GPR83: variants seen among roughly 807,000 people sequenced by gnomAD.
GPR83 encodes the protein G-protein coupled receptor 72.
GPR83 carries 23 observed loss-of-function variants against 28.0 expected under a neutral mutation model. The observed-to-expected ratio is 0.82, with a 90% CI of 0.59 to 1.16. GPR83 has a LOEUF of 1.16. GPR83 is among the 50% of genes most tolerant of loss of function. The pLI is 0.00. For synonymous variants in GPR83, 234 were observed against 215.4 expected, an observed-to-expected ratio of 1.09 and a Z score of -0.76; for missense variants, 610 against 536.6, an observed-to-expected ratio of 1.14 and a Z score of -1.35.
chr11:94,382,950 G>C (rs527706641), intron 3 of GPR83, among the ~76,000 whole-genome samples: 1 of 152,078 alleles, frequency 6.6e-6, no homozygotes, highest in East Asian at 1.9e-4. Flanking sequence ...GGATCATGAG[G>C]TCAGGAGCTT....
intron 3 of GPR83, among the ~76,000 whole-genome samples, chr11:94,388,203 C>G (rs1203762912): frequency 6.6e-6 from 1 of 152,242 alleles, no homozygotes; most frequent in East Asian, 1.9e-4. Context: ...ATGACAAACC[C>G]ACAGCCAATA....
At chr11:94,382,515 G>A (rs865987328) in intron 3 of GPR83, among the ~76,000 whole-genome samples, 4 of 152,060 alleles carry the variant, frequency 2.6e-5, no homozygotes, top group African/African-American at 9.7e-5. Flanking sequence ...CAATACAGGA[G>A]CACCCAGATT....
In GPR83 at chr11:94,387,732, C is replaced by T. The variant is rs1182937096; in HGVS notation, c.647+5753G>A. 3.3e-5 allele frequency among the ~76,000 whole-genome samples: 5 copies of T among 152,104 alleles called. No homozygotes were observed. In the East Asian group the frequency reaches 9.6e-4, roughly 29 times the overall value. ...GTCCAGGACCAGACGGATTCACAGC[C>T]GATTTCTACCAGAGGTACAAGGAGG... On this transcript the variant is annotated intron_variant, in intron 3 of 3. Coordinates refer to ENST00000243673, the MANE Select transcript of GPR83 (RefSeq NM_016540.4).
rs57302833 is a variant in GPR83 at position 94,382,343 on chromosome 11, CAAAAAAAAA to C, written c.648-1579_648-1571del. 1.6e-4 allele frequency among the ~76,000 whole-genome samples: 11 copies of C among 67,310 alleles called. No homozygotes were observed. The South Asian group carries it at 4.6e-3, about 28-fold the overall frequency. 44.2% of individuals were successfully genotyped at this position (67,310 alleles called of 152,430 possible). A position where few individuals can be genotyped will look rare whatever the true frequency, so the allele number is the denominator to read the frequency against. On this transcript the variant is annotated intron_variant, in intron 3 of 3. Coordinates refer to ENST00000243673, the MANE Select transcript of GPR83 (RefSeq NM_016540.4). ...GGGCAACAAGAGTGAAACACCATCT[CAAAAAAAAA>C]AAAAAAAAAAAAAAAGCAGGAGTTA...
rs377731618 is a variant in GPR83 at position 94,384,322 on chromosome 11, T to C, written c.648-3549A>G. On this transcript the variant is annotated intron_variant, in intron 3 of 3. Transcript: ENST00000243673. ...AAACTCTCAATAAACTGGGTATCGA[T>C]GGAACATATCTCAAAGTAATAAGAA... Among the ~76,000 whole-genome samples the C allele has an allele frequency of 2.6e-5, 4 of 152,190 alleles. No individual in the cohort carries two copies. The East Asian group carries it at 5.8e-4, about 22-fold the overall frequency.
chr11:94,377,632 C>G lies in GPR83; in HGVS notation c.*2517G>C, dbSNP rs1472092311. The G allele has an allele frequency of 6.6e-6, 1 of 152,198 alleles. No individual in the cohort carries two copies. The highest frequency in any genetic ancestry group is 2.4e-5 in the African/African-American group (1 of 41,444). 9.4% of individuals were successfully genotyped at this position (152,198 alleles called of 1,614,324 possible). Reference sequence around the variant, plus strand: ...TCAGTAGAAACCATACTTCGCATATCCATACAACCATTCTGGTTTTCACCT... The same window carrying G: ...TCAGTAGAAACCATACTTCGCATATGCATACAACCATTCTGGTTTTCACCT... On this transcript the variant is annotated 3_prime_UTR_variant, in exon 4 of 4. Coordinates refer to ENST00000243673, the MANE Select transcript of GPR83 (RefSeq NM_016540.4).
Position 94,401,092 on chromosome 11 carries a change from C to T in GPR83, c.156G>A (p.Trp52Ter). 1 of 1,614,248 alleles carries T rather than the reference C, an allele frequency of 6.2e-7. No individual in the cohort carries two copies. Among genetic ancestry groups the T allele is most frequent in the Non-Finnish European group, 8.5e-7 (1 of 1,180,038 alleles). The change falls in exon 1 of 4, where the codon TGG becomes TGA. Residue 52 changes from tryptophan (W) to a stop codon, truncating the protein, a stop_gained. Transcript: ENST00000243673. LOFTEE classifies it high-confidence loss of function. ...FSWNNYTFSD[W>*]QNFVGRRRYG... ...AGCGCCTCCTGCCCACAAAGTTCTG[C>T]CAGTCGGAGAAGGTGTAGTTGTTCC... is the stretch of plus-strand genomic sequence containing the variant.
intron 1 of GPR83, among the ~76,000 whole-genome samples, chr11:94,399,050 T>C (rs1944889635): frequency 6.6e-6 from 1 of 152,114 alleles, no homozygotes; most frequent in South Asian, 2.1e-4. Flanking sequence ...TACCCCTTCT[T>C]GTGTCTGCTG....
At chr11:94,382,860 T>G (rs112013658) in intron 3 of GPR83, among the ~76,000 whole-genome samples, 13,580 of 151,994 alleles carry the variant, frequency 0.089, 712 homozygotes, top group Middle Eastern at 0.15. Flanking sequence ...AAACTAGAAC[T>G]CAGGATTAAG....
intron 2 of GPR83, among the ~76,000 whole-genome samples, chr11:94,395,843 A>C (rs1299814977): frequency 6.6e-6 from 1 of 152,172 alleles, no homozygotes; most frequent in Admixed American, 6.5e-5. Flanking sequence ...TCTGACCTGC[A>C]ATTACTCCTC....
intron 3 of GPR83, among the ~76,000 whole-genome samples, chr11:94,385,745 G>C (rs914487099): frequency 5.3e-5 from 8 of 152,218 alleles, no homozygotes; most frequent in Admixed American, 5.2e-4. Context: ...AAGTGACGGG[G>C]AGAATGGAAC....
At chr11:94,389,628 T>G (rs1289368505) in intron 3 of GPR83, among the ~76,000 whole-genome samples, 2 of 152,206 alleles carry the variant, frequency 1.3e-5, no homozygotes, top group African/African-American at 4.8e-5. Context: ...AGATACCATC[T>G]CACACCAGTT....
intron 2 of GPR83, among the ~76,000 whole-genome samples, chr11:94,395,258 C>T (rs1484645115): frequency 6.6e-6 from 1 of 152,204 alleles, no homozygotes; most frequent in African/African-American, 2.4e-5. Flanking sequence ...CACCTTTAGA[C>T]ACTTCTATGA....
At position 94,401,034 on chromosome 11, in the gene GPR83, C is replaced by T; in HGVS notation, c.214G>A (p.Ala72Thr). Residue 72 changes from alanine (A) to threonine (T), a missense_variant, in exon 1 of 4, where the codon GCC becomes ACC. Coordinates refer to ENST00000243673, the MANE Select transcript of GPR83 (RefSeq NM_016540.4). Reference protein sequence around the residue: ...GAESQNPTVKALLIVAYSFII... With the variant: ...GAESQNPTVKTLLIVAYSFII... ...AAGGAGTAAGCCACAATGAGCAGGG[C>T]TTTCACCGTGGGGTTCTGGGACTCA... 1.2e-6 allele frequency: 2 copies of T among 1,614,138 alleles called. No homozygotes were observed. Among genetic ancestry groups the T allele is most frequent in the Non-Finnish European group, 1.7e-6 (2 of 1,179,936 alleles).
At chr11:94,393,967 C>G (rs1013050799) in intron 2 of GPR83, among the ~76,000 whole-genome samples, 4 of 152,076 alleles carry the variant, frequency 2.6e-5, no homozygotes, top group Non-Finnish European at 4.4e-5. Context: ...CCAGCCATGC[C>G]CCACTCAACA....
Position 94,401,004 on chromosome 11 carries a change from T to C in GPR83, c.244A>G (p.Ile82Val). The C allele has an allele frequency of 6.2e-7, 1 of 1,614,012 alleles. No homozygotes were observed. The highest frequency in any genetic ancestry group is 8.5e-7 in the Non-Finnish European group (1 of 1,179,962). The change falls in exon 1 of 4, where the codon ATT (isoleucine) becomes GTT (valine). Residue 82 changes from isoleucine to valine, a missense_variant. Ile to Val is a conservative substitution (Grantham distance 29). Coordinates refer to ENST00000243673, the MANE Select transcript of GPR83 (RefSeq NM_016540.4). Reference sequence around the variant, plus strand: ...ACGTTGCCAAAGAGTGAGAAGACAATGATGAAGGAGTAAGCCACAATGAGC... The same window carrying C: ...ACGTTGCCAAAGAGTGAGAAGACAACGATGAAGGAGTAAGCCACAATGAGC... Reference protein sequence around the residue: ...ALLIVAYSFIIVFSLFGNVLV... With the variant: ...ALLIVAYSFIVVFSLFGNVLV...
At chr11:94,394,176 G>C (rs1228171732) in intron 2 of GPR83, among the ~76,000 whole-genome samples, 3 of 152,150 alleles carry the variant, frequency 2.0e-5, no homozygotes, top group Non-Finnish European at 2.9e-5. Flanking sequence ...ACCTCCTTGG[G>C]ACCTGAGCTC....
At chr11:94,381,919 C>T (rs1944694268) in intron 3 of GPR83, among the ~76,000 whole-genome samples, 1 of 152,160 alleles carries the variant, frequency 6.6e-6, no homozygotes, top group African/African-American at 2.4e-5. Context: ...TGAAATCATA[C>T]CCTTCCTTAG....
chr11:94,396,881 A>C (rs77163806), intron 1 of GPR83, among the ~76,000 whole-genome samples: 1 of 151,944 alleles, frequency 6.6e-6, no homozygotes, highest in Non-Finnish European at 1.5e-5. Flanking sequence ...AAAAAAAAAA[A>C]AAGCCCTAAA....
Sources: gnomAD v4.1 joint callset for allele counts (sites outside exome capture counted in the v4.1 genomes callset) on GRCh38, gnomAD v4.1.1 for gene constraint, MANE v1.5 for transcripts, NCBI Gene and HGNC (gene_info 2026-07-23, HGNC 2026-07-21) for gene names.